Variants in ADAMTS12 observed in about 807,000 individuals in gnomAD.
ADAMTS12 encodes the protein ADAM metallopeptidase with thrombospondin type 1 motif 12, also known as A disintegrin and metalloproteinase with thrombospondin motifs 12.
In ADAMTS12, 118 loss-of-function variants were observed where a neutral mutation model predicts 167.8. The observed-to-expected ratio is 0.70, with a 90% CI of 0.61 to 0.82. ADAMTS12 has a LOEUF of 0.82. Ranked by LOEUF, ADAMTS12 falls within the 40% of genes least tolerant of loss-of-function variation. The probability of loss-of-function intolerance (pLI) is 0.00; values close to 1 mark genes in which losing one functional copy is unlikely to be tolerated. For synonymous variants in ADAMTS12, 704 were observed against 716.9 expected (o/e 0.98, Z 0.29); for missense variants, 1,916 against 1,998.8 (o/e 0.96, Z 0.79).
chr5:33,743,946 C>T (rs7720423), intron 3 of ADAMTS12, among the ~76,000 whole-genome samples: 7,142 of 152,240 alleles, frequency 0.047, 592 homozygotes, highest in African/African-American at 0.16. Context: ...TCAGATCATA[C>T]ACTGAATTTC....
At chr5:33,531,057 C>T (rs2066709160) in intron 23 of ADAMTS12, among the ~76,000 whole-genome samples, 1 of 152,110 alleles carries the variant, frequency 6.6e-6, no homozygotes, top group Admixed American at 6.5e-5. Flanking sequence ...GAGAGAGACA[C>T]ACATACAGAG....
chr5:33,775,919 T>A (rs1310585541), intron 2 of ADAMTS12, among the ~76,000 whole-genome samples: 1 of 152,196 alleles, frequency 6.6e-6, no homozygotes, highest in Non-Finnish European at 1.5e-5. Context: ...GAGCTCATTA[T>A]CCCTTCTGCC....
At chr5:33,778,621 T>C (rs1202658751) in intron 2 of ADAMTS12, among the ~76,000 whole-genome samples, 1 of 151,244 alleles carries the variant, frequency 6.6e-6, no homozygotes, top group African/African-American at 2.5e-5. Context: ...ATCATTTTCT[T>C]AAAATATGAA....
chr5:33,676,061 A>AT (rs1033138429), intron 5 of ADAMTS12, among the ~76,000 whole-genome samples: 9 of 151,712 alleles, frequency 5.9e-5, no homozygotes, highest in South Asian at 2.1e-4. Flanking sequence ...CTTTTTGTTT[A>AT]TTTTTTTTCA....
chr5:33,731,541 A>G (rs374820756), intron 3 of ADAMTS12, among the ~76,000 whole-genome samples: 29 of 152,382 alleles, frequency 1.9e-4, no homozygotes, highest in African/African-American at 7.0e-4. Flanking sequence ...AGGCTGGGAC[A>G]TGCACTCCAG....
intron 2 of ADAMTS12, among the ~76,000 whole-genome samples, chr5:33,838,782 T>A (rs1198524294): frequency 6.6e-6 from 1 of 151,556 alleles, no homozygotes; most frequent in Non-Finnish European, 1.5e-5. Context: ...TGGGGAGGGA[T>A]GGTGAAGGGA....
At chr5:33,628,338 C>G (rs1434402766) in intron 13 of ADAMTS12, among the ~76,000 whole-genome samples, 12 of 152,046 alleles carry the variant, frequency 7.9e-5, no homozygotes, top group African/African-American at 2.9e-4. Context: ...AAAGCTTATT[C>G]TATGTCATCC....
At chr5:33,622,704 C>T (rs1309265646) in intron 14 of ADAMTS12, among the ~76,000 whole-genome samples, 1 of 151,886 alleles carries the variant, frequency 6.6e-6, no homozygotes, top group Non-Finnish European at 1.5e-5. Context: ...TGCAGAAATA[C>T]GATTTTAAGT....
chr5:33,642,004 G>A (rs773520218), intron 10 of ADAMTS12, 49 bp from the exon 11 acceptor site: 2 of 1,545,044 alleles, frequency 1.3e-6, no homozygotes, highest in East Asian at 4.6e-5. Flanking sequence ...GGTTACCAGA[G>A]CAAGCTGAGC....
At chr5:33,577,341 C>A (rs965701364) in intron 18 of ADAMTS12, among the ~76,000 whole-genome samples, 181 bp from the exon 19 acceptor site, 3 of 152,160 alleles carry the variant, frequency 2.0e-5, no homozygotes, top group Non-Finnish European at 4.4e-5. Context: ...CTCCTGGAGA[C>A]CAGCTGGGAC....
intron 20 of ADAMTS12, among the ~76,000 whole-genome samples, chr5:33,556,260 T>C (rs2111864841): frequency 6.6e-6 from 1 of 152,328 alleles, no homozygotes; most frequent in Non-Finnish European, 1.5e-5. Context: ...TAGGTTATCA[T>C]GCCAGATACA....
At chr5:33,550,537 C>T (rs1305107608) in intron 20 of ADAMTS12, among the ~76,000 whole-genome samples, 2 of 152,142 alleles carry the variant, frequency 1.3e-5, no homozygotes, top group Admixed American at 1.3e-4. Flanking sequence ...ATACAATGTC[C>T]TTGGGGTTCC....
intron 1 of ADAMTS12, among the ~76,000 whole-genome samples, chr5:33,882,561 T>C (rs998874591): frequency 4.6e-5 from 7 of 152,188 alleles, no homozygotes; most frequent in African/African-American, 1.4e-4. Flanking sequence ...TGGATTACAC[T>C]TCTTCTTTTT....
chr5:33,651,867 G>A (rs140070637), intron 7 of ADAMTS12, among the ~76,000 whole-genome samples: 1 of 152,170 alleles, frequency 6.6e-6, no homozygotes, highest in African/African-American at 2.4e-5. Context: ...TCATTGTTTA[G>A]CTCCCACTTG....
At chr5:33,745,747 T>TA (rs904800975) in intron 3 of ADAMTS12, among the ~76,000 whole-genome samples, 6 of 151,604 alleles carry the variant, frequency 4.0e-5, no homozygotes, top group South Asian at 2.1e-4. Flanking sequence ...AAAAAGGCTT[T>TA]AAAAAAAAAC....
chr5:33,587,699 T>G (rs411690), intron 18 of ADAMTS12, among the ~76,000 whole-genome samples: 34,598 of 152,038 alleles, frequency 0.23, 4,037 homozygotes, highest in Non-Finnish European at 0.25. Context: ...TGATCCTCCT[T>G]CCTCGGCCTC....
intron 3 of ADAMTS12, among the ~76,000 whole-genome samples, chr5:33,685,026 A>G (rs1283864633): frequency 6.6e-6 from 1 of 152,228 alleles, no homozygotes; most frequent in Non-Finnish European, 1.5e-5. Context: ...CGAGGAAGAC[A>G]GGTTGACCAG....
At chr5:33,538,096 C>T (rs189256581) in intron 22 of ADAMTS12, among the ~76,000 whole-genome samples, 112 of 152,272 alleles carry the variant, frequency 7.4e-4, no homozygotes, top group African/African-American at 2.4e-3. Flanking sequence ...AGCCTAGTTT[C>T]ACACTGCTAT....
intron 19 of ADAMTS12, among the ~76,000 whole-genome samples, chr5:33,568,412 C>G (rs1746123366): frequency 6.6e-6 from 1 of 152,098 alleles, no homozygotes; most frequent in African/African-American, 2.4e-5. Flanking sequence ...ATTCCATGAC[C>G]AATGATGTTG....
Sources: gnomAD v4.1 joint callset for allele counts (sites outside exome capture counted in the v4.1 genomes callset) on GRCh38, gnomAD v4.1.1 for gene constraint, MANE v1.5 for transcripts, NCBI Gene and HGNC (gene_info 2026-07-23, HGNC 2026-07-21) for gene names.